Variants in ADAMTS19 observed in about 807,000 individuals in gnomAD.
ADAMTS19 encodes ADAM metallopeptidase with thrombospondin type 1 motif 19, also known as A disintegrin and metalloproteinase with thrombospondin motifs 19.
ADAMTS19 carries 93 observed loss-of-function variants against 153.3 expected under a neutral mutation model. The ratio of observed to expected loss-of-function variants is 0.61; its 90% CI spans 0.51 to 0.72. ADAMTS19 has a LOEUF of 0.72. Ranked by LOEUF, ADAMTS19 falls within the 30% of genes least tolerant of loss-of-function variation. ADAMTS19 has a pLI of 0.00. For synonymous variants in ADAMTS19, 600 were observed against 556.6 expected (o/e 1.08, Z -1.10); for missense variants, 1,482 against 1,552.1 (o/e 0.95, Z 0.76).
intron 2 of ADAMTS19, among the ~76,000 whole-genome samples, chr5:129,488,101 T>C (rs1197581592): frequency 6.6e-6 from 1 of 152,096 alleles, no homozygotes; most frequent in Non-Finnish European, 1.5e-5. Context: ...ACCCTATAAA[T>C]ACTCACAGCA....
chr5:129,671,814 C>T (rs888841754), intron 16 of ADAMTS19, among the ~76,000 whole-genome samples: 4 of 152,074 alleles, frequency 2.6e-5, no homozygotes, highest in Non-Finnish European at 5.9e-5. Context: ...CATTCCATCT[C>T]ATGAGTTTTT....
intron 8 of ADAMTS19, among the ~76,000 whole-genome samples, chr5:129,602,333 C>T (rs566704892): frequency 6.6e-5 from 10 of 152,256 alleles, no homozygotes; most frequent in East Asian, 1.9e-4. Context: ...TCAGGTGATC[C>T]GCCCGCCTCA....
chr5:129,461,737 A>G lies in ADAMTS19; in HGVS notation c.727A>G (p.Ser243Gly), dbSNP rs764143990. 3 of 1,516,014 alleles carry G rather than the reference A, an allele frequency of 2.0e-6. No individual in the cohort carries two copies. The highest frequency in any genetic ancestry group is 8.8e-7 in the Non-Finnish European group (1 of 1,137,472). The allele number at this position is 1,516,014 out of a possible 1,614,324, so 93.9% of individuals were successfully genotyped here. A position where few individuals can be genotyped will look rare whatever the true frequency, so the allele number is the denominator to read the frequency against. Residue 243 changes from serine (S) to glycine (G), a missense_variant, in exon 2 of 23, where the codon AGC (serine) becomes GGC (glycine). Ser to Gly is a moderately conservative substitution (Grantham distance 56, BLOSUM62 0). Transcript: ENST00000274487. This position sits in a 1 kb window ranked among gnomAD's most constrained non-coding sequence, Gnocchi z 4.6. ...LRHPGSLASFSTCGGGLMGFI... is the reference protein window; with the variant it reads ...LRHPGSLASFGTCGGGLMGFI... ...GCACCCTGGCTCGCTGGCTTCTTTC[A>G]GCACCTGTGGAGGTGGCCTGGTAAG...
intron 7 of ADAMTS19, among the ~76,000 whole-genome samples, chr5:129,589,780 G>C (rs948705021): frequency 2.0e-5 from 3 of 152,030 alleles, no homozygotes; most frequent in Admixed American, 1.3e-4. Context: ...ATTATGATTT[G>C]TGAGCTCATA....
chr5:129,647,848 CCGAACCTGCAGTG>C lies in ADAMTS19; in HGVS notation c.1958_1970del (p.Arg653LeufsTer13). ...AGTGGAGCCTGTGGAGTCCTTGTAGCCGAACCTGCAGTGCTGGGATCAGCAGTCGAGAGCGCAA... is the reference window on the plus strand; with the variant it reads ...AGTGGAGCCTGTGGAGTCCTTGTAGCCTGGGATCAGCAGTCGAGAGCGCAA... On this transcript the variant is annotated frameshift_variant, in exon 12 of 23. Coordinates refer to ENST00000274487, the MANE Select transcript of ADAMTS19 (RefSeq NM_133638.6). LOFTEE classifies it high-confidence loss of function. 1 of 1,614,014 alleles carries C rather than the reference CCGAACCTGCAGTG, an allele frequency of 6.2e-7. No individual in the cohort carries two copies. The highest frequency in any genetic ancestry group is 1.3e-5 in the African/African-American group (1 of 75,014).
At chr5:129,551,973 T>A (rs1753138685) in intron 7 of ADAMTS19, 66 bp downstream of exon 7, 7 of 1,028,432 alleles carry the variant, frequency 6.8e-6, no homozygotes, top group Non-Finnish European at 8.4e-6. Context: ...TGTTTAAGTA[T>A]AGGAAATTAT....
At chr5:129,640,053 G>A (rs1344222091) in intron 10 of ADAMTS19, among the ~76,000 whole-genome samples, 1 of 152,106 alleles carries the variant, frequency 6.6e-6, no homozygotes, top group Non-Finnish European at 1.5e-5. Context: ...GCTATGGGCA[G>A]TTAGAAGAAG....
chr5:129,470,274 A>G (rs538793930), intron 2 of ADAMTS19, among the ~76,000 whole-genome samples: 3 of 152,350 alleles, frequency 2.0e-5, no homozygotes, highest in African/African-American at 7.2e-5. Context: ...TGCACAATTG[A>G]ATGTTTCCAC....
At chr5:129,556,571 A>G (rs2126832934) in intron 7 of ADAMTS19, among the ~76,000 whole-genome samples, 1 of 152,324 alleles carries the variant, frequency 6.6e-6, no homozygotes, top group Non-Finnish European at 1.5e-5. Flanking sequence ...GATGGAATTA[A>G]GGCTGCCAAT....
chr5:129,735,585 G>A (rs1201931431), intron 22 of ADAMTS19, among the ~76,000 whole-genome samples: 1 of 151,972 alleles, frequency 6.6e-6, no homozygotes, highest in Admixed American at 6.6e-5. Flanking sequence ...CATTAAACAA[G>A]AAGTTCTATT....
chr5:129,641,226 A>T (rs969058998), intron 10 of ADAMTS19, among the ~76,000 whole-genome samples: 1 of 152,162 alleles, frequency 6.6e-6, no homozygotes, highest in Non-Finnish European at 1.5e-5. Context: ...TATTGTTGCC[A>T]TGTTTCAGCT....
chr5:129,704,278 G>T lies in ADAMTS19; in HGVS notation c.3199G>T (p.Val1067Phe). 1.9e-6 allele frequency: 3 copies of T among 1,614,060 alleles called. No individual in the cohort carries two copies. The highest frequency in any genetic ancestry group is 2.5e-6 in the Non-Finnish European group (3 of 1,179,962). ...TGGCAAAGGCATACGTCATCGGACC[G>T]TTAGATGTACCAACCCAAGAAAGAA... ...KCGKGIRHRT[V>F]RCTNPRKKCV... Residue 1067 changes from valine (V) to phenylalanine (F), a missense_variant, in exon 21 of 23, where the codon GTT (valine) becomes TTT (phenylalanine). Physicochemically the swap from Val to Phe is conservative, Grantham distance 50. Around this residue, in one of 2 missense-constraint regions of ADAMTS19, gnomAD observed 616 missense variants for 724.4 expected, o/e 0.85. Coordinates refer to ENST00000274487, the MANE Select transcript of ADAMTS19 (RefSeq NM_133638.6).
At chr5:129,712,003 A>C (rs1408998535) in intron 21 of ADAMTS19, among the ~76,000 whole-genome samples, 1 of 151,488 alleles carries the variant, frequency 6.6e-6, no homozygotes, top group African/African-American at 2.4e-5. Context: ...AGTTATGTAA[A>C]TTTTTTTTTC....
At chr5:129,639,125 T>C (rs1207929069) in intron 10 of ADAMTS19, among the ~76,000 whole-genome samples, 2 of 152,168 alleles carry the variant, frequency 1.3e-5, no homozygotes, top group Non-Finnish European at 2.9e-5. Flanking sequence ...TAGAGTTATT[T>C]TCGTAACTGA....
intron 7 of ADAMTS19, among the ~76,000 whole-genome samples, chr5:129,583,766 C>A (rs575844007): frequency 6.6e-6 from 1 of 151,804 alleles, no homozygotes; most frequent in African/African-American, 2.4e-5. Flanking sequence ...TCCATCGCAT[C>A]ATTTCTGTTC....
intron 8 of ADAMTS19, among the ~76,000 whole-genome samples, chr5:129,599,731 T>G (rs2126926734): frequency 6.6e-6 from 1 of 152,292 alleles, no homozygotes. Flanking sequence ...GTAGAAATGT[T>G]GGTTTATGAC....
chr5:129,616,206 A>C (rs1751516353), intron 8 of ADAMTS19, among the ~76,000 whole-genome samples: 1 of 152,002 alleles, frequency 6.6e-6, no homozygotes, highest in Non-Finnish European at 1.5e-5. Context: ...CCATGAACAC[A>C]CAATAGTGAA....
At chr5:129,534,439 A>G (rs1752336318) in intron 6 of ADAMTS19, among the ~76,000 whole-genome samples, 1 of 152,192 alleles carries the variant, frequency 6.6e-6, no homozygotes, top group Non-Finnish European at 1.5e-5. Flanking sequence ...TTAATAGCTT[A>G]CCAACCAAAA....
chr5:129,462,054 T>G (rs1422387626), intron 2 of ADAMTS19, among the ~76,000 whole-genome samples: 1 of 152,188 alleles, frequency 6.6e-6, no homozygotes, highest in Admixed American at 6.5e-5. Context: ...TGGCTCAACT[T>G]CTTTCTGTTC....
Sources: allele counts gnomAD v4.1 joint callset (sites outside exome capture counted in the v4.1 genomes callset), GRCh38; gene constraint gnomAD v4.1.1; regional missense constraint gnomAD v4.1.1; non-coding constraint Gnocchi (gnomAD v3.1); transcripts MANE v1.5; gene names NCBI Gene and HGNC (gene_info 2026-07-23, HGNC 2026-07-21).